NELL1: variants seen among roughly 807,000 people sequenced by gnomAD.
NELL1 encodes protein kinase C-binding protein NELL1.
Under a neutral mutation model 107.4 loss-of-function variants are expected in NELL1, and 76 were observed. The ratio of observed to expected loss-of-function variants is 0.71; its 90% CI spans 0.59 to 0.86. The LOEUF (loss-of-function observed/expected upper bound fraction) is 0.86, where lower values mean the gene tolerates loss of function less well. NELL1 is among the 40% of genes least tolerant of loss of function. NELL1 has a pLI of 0.00. For missense variants in NELL1, 1,024 were observed against 1,005.5 expected (o/e 1.02, Z -0.25); for synonymous variants, 353 against 341.2 (o/e 1.03, Z -0.38).
At position 21,297,238 on chromosome 11, in the gene NELL1, T is replaced by C. The variant is rs183142559; in HGVS notation, c.1549+67784T>C. Among the ~76,000 whole-genome samples, 19 of 152,094 alleles carry C rather than the reference T, an allele frequency of 1.2e-4. No homozygotes were observed. The East Asian group carries it at 2.9e-3, about 23-fold the overall frequency. ...AAATGCAAAGGAATTTAAGACAAGA[T>C]AGGCTACATTCAGGGTGATATGGTC... On this transcript the variant is annotated intron_variant, in intron 14 of 19. Coordinates refer to ENST00000357134, the MANE Select transcript of NELL1 (RefSeq NM_006157.5).
At chr11:20,999,539 C>T (rs1322192857) in intron 12 of NELL1, among the ~76,000 whole-genome samples, 1 of 152,096 alleles carries the variant, frequency 6.6e-6, no homozygotes, top group African/African-American at 2.4e-5. Context: ...AATGTGTGAC[C>T]AGTTTGAATT....
chr11:21,205,807 A>C (rs1047651629), intron 13 of NELL1, among the ~76,000 whole-genome samples: 1 of 152,168 alleles, frequency 6.6e-6, no homozygotes, highest in African/African-American at 2.4e-5. Context: ...TGAGAAATGT[A>C]CTGATATTTT....
chr11:21,039,941 T>A (rs1853188430), intron 12 of NELL1, among the ~76,000 whole-genome samples: 1 of 152,288 alleles, frequency 6.6e-6, no homozygotes, highest in African/African-American at 2.4e-5. Flanking sequence ...TAAATCTTAA[T>A]AACTTTGTAG....
chr11:21,429,834 C>T (rs190336701), intron 15 of NELL1, among the ~76,000 whole-genome samples: 39 of 152,136 alleles, frequency 2.6e-4, no homozygotes, highest in African/African-American at 8.9e-4. Context: ...ATTTTTTTGC[C>T]AGGAACACTA....
At chr11:21,378,554 A>T (rs917104116) in intron 15 of NELL1, among the ~76,000 whole-genome samples, 1 of 151,902 alleles carries the variant, frequency 6.6e-6, no homozygotes, top group Admixed American at 6.6e-5. Flanking sequence ...GGTGGAATAA[A>T]CATGATTCTC....
chr11:21,115,795 G>T (rs2133733129), intron 13 of NELL1, among the ~76,000 whole-genome samples: 1 of 151,980 alleles, frequency 6.6e-6, no homozygotes, highest in South Asian at 2.1e-4. Flanking sequence ...TCTTTCTGCT[G>T]CCCCCACCAA....
At chr11:21,310,295 T>C (rs1054400602) in intron 14 of NELL1, among the ~76,000 whole-genome samples, 16 of 152,084 alleles carry the variant, frequency 1.1e-4, no homozygotes, top group African/African-American at 3.6e-4. Context: ...ACTATCACTG[T>C]GATTAATATC....
In NELL1 at chr11:21,478,767, G is replaced by T. The variant is rs751902205; in HGVS notation, c.1646-55607G>T. 1.3e-4 allele frequency among the ~76,000 whole-genome samples: 20 copies of T among 149,094 alleles called. No homozygotes were observed. In the South Asian group the frequency reaches 1.5e-3, roughly 11 times the overall value. On this transcript the variant is annotated intron_variant, in intron 15 of 19. Transcript: ENST00000357134. ...TGAATAGGGAACCCACAGAACTGGAGAAAGTATTTACAAACTATCCATCTG... is the reference window on the plus strand; with the variant it reads ...TGAATAGGGAACCCACAGAACTGGATAAAGTATTTACAAACTATCCATCTG...
At chr11:20,843,378 A>G (rs2134052236) in intron 3 of NELL1, among the ~76,000 whole-genome samples, 1 of 152,228 alleles carries the variant, frequency 6.6e-6, no homozygotes, top group African/African-American at 2.4e-5. Context: ...TAGCTAGTAT[A>G]TATCCTTGTA....
intron 14 of NELL1, among the ~76,000 whole-genome samples, chr11:21,306,914 A>T (rs1475879731): frequency 1.3e-5 from 2 of 152,082 alleles, no homozygotes; most frequent in African/African-American, 4.8e-5. Flanking sequence ...GTCAGCAGGC[A>T]TAAAAGGGGT....
intron 14 of NELL1, among the ~76,000 whole-genome samples, chr11:21,295,444 G>T (rs1035512322): frequency 6.6e-6 from 1 of 152,012 alleles, no homozygotes; most frequent in East Asian, 1.9e-4. Flanking sequence ...TTAGAGTAAT[G>T]ACAGACAAAA....
chr11:21,342,414 G>GC (rs1019680385), intron 14 of NELL1, among the ~76,000 whole-genome samples: 2 of 146,516 alleles, frequency 1.4e-5, no homozygotes, highest in South Asian at 2.2e-4. Flanking sequence ...GCTTAAGTGG[G>GC]GGGGGGGGTC....
intron 15 of NELL1, among the ~76,000 whole-genome samples, chr11:21,517,599 A>G (rs903724894): frequency 2.0e-5 from 3 of 152,148 alleles, no homozygotes; most frequent in Non-Finnish European, 2.9e-5. Flanking sequence ...CTGTGCCTCT[A>G]TGATTCAATG....
intron 15 of NELL1, among the ~76,000 whole-genome samples, chr11:21,469,040 A>G (rs1158792890): frequency 1.3e-5 from 2 of 151,778 alleles, no homozygotes; most frequent in Non-Finnish European, 2.9e-5. Context: ...GCCAGATTCA[A>G]TTCATCCATG....
intron 12 of NELL1, among the ~76,000 whole-genome samples, chr11:21,051,955 G>A (rs977034163): frequency 6.6e-6 from 1 of 152,100 alleles, no homozygotes; most frequent in Non-Finnish European, 1.5e-5. Flanking sequence ...GTTAGAAGAT[G>A]ACAAGTGTGG....
Position 21,513,526 on chromosome 11 carries a change from C to T in NELL1, c.1646-20848C>T, listed in dbSNP as rs189965285. ...AAATTAAAGTATATATATTTACATA[C>T]AGATGGAAAAGGAGGAACTGCAAAA... On this transcript the variant is annotated intron_variant, in intron 15 of 19. Coordinates refer to ENST00000357134, the MANE Select transcript of NELL1 (RefSeq NM_006157.5). 6.4e-4 allele frequency among the ~76,000 whole-genome samples: 97 copies of T among 152,082 alleles called. 1 individual carries two copies. The highest frequency in any genetic ancestry group is 2.3e-3 in the African/African-American group (94 of 41,492).
At chr11:21,283,172 G>A (rs1162166015) in intron 14 of NELL1, among the ~76,000 whole-genome samples, 2 of 152,088 alleles carry the variant, frequency 1.3e-5, no homozygotes, top group African/African-American at 4.8e-5. Context: ...CTAAATGAGT[G>A]TAGTTGGATT....
chr11:21,519,837 A>G (rs1477673466), intron 15 of NELL1, among the ~76,000 whole-genome samples: 1 of 152,158 alleles, frequency 6.6e-6, no homozygotes, highest in Non-Finnish European at 1.5e-5. Context: ...TGCCAGTGTA[A>G]TTATAGTCCA....
intron 14 of NELL1, among the ~76,000 whole-genome samples, chr11:21,337,801 TTTCTTTCTTGCTTTCC>T (rs1850456775): frequency 3.5e-5 from 3 of 86,208 alleles, no homozygotes; most frequent in Non-Finnish European, 4.6e-5. Context: ...TCTTTCCTTC[TTTCTTTCTTGCTTTCC>T]TTCTTTCTTT....
Sources: allele counts gnomAD v4.1 joint callset (sites outside exome capture counted in the v4.1 genomes callset), GRCh38; gene constraint gnomAD v4.1.1; transcripts MANE v1.5; gene names NCBI Gene and HGNC (gene_info 2026-07-23, HGNC 2026-07-21).